The following RFC1 variants were observed in gnomAD, a reference collection of about 807,000 sequenced individuals.
RFC1 encodes A1 140 kDa subunit.
In RFC1, 37 loss-of-function variants were observed where a neutral mutation model predicts 137.4. The ratio of observed to expected loss-of-function variants is 0.27; its 90% CI spans 0.21 to 0.35. The LOEUF (loss-of-function observed/expected upper bound fraction) is 0.35, where lower values mean the gene tolerates loss of function less well. Ranked by LOEUF, RFC1 falls within the 10% of genes least tolerant of loss-of-function variation. The probability of loss-of-function intolerance (pLI) is 1.00; values close to 1 mark genes in which losing one functional copy is unlikely to be tolerated. For missense variants in RFC1, 1,205 were observed against 1,358.5 expected (o/e 0.89, Z 1.78); for synonymous variants, 429 against 455.7 (o/e 0.94, Z 0.75).
intron 10 of RFC1, among the ~76,000 whole-genome samples, chr4:39,314,229 T>C (rs1013300541): frequency 1.3e-5 from 2 of 152,168 alleles, no homozygotes; most frequent in African/African-American, 2.4e-5. Flanking sequence ...CAGGGTCCCT[T>C]GAAGCCTTTA....
chr4:39,300,397 G>A lies in RFC1; in HGVS notation c.2553C>T (p.Ala851=), dbSNP rs1404851536. ...KDIKMGPFDV[A]RKVFAAGEET... ...CCTCTCCAGCTGCAAACACTTTCCG[G>A]GCAACATCAAATGGGCCCTGAAAAA... The change falls in exon 20 of 25, where the codon GCC becomes GCT. Residue 851 remains alanine (A), a synonymous_variant. Coordinates refer to ENST00000349703, the MANE Select transcript of RFC1 (RefSeq NM_002913.5). 1 of 1,613,964 alleles carries A rather than the reference G, an allele frequency of 6.2e-7. No individual in the cohort carries two copies.
chr4:39,329,127 C>CAAAAAAAAAAAA (rs71594924), intron 4 of RFC1, among the ~76,000 whole-genome samples: 379 of 31,654 alleles, frequency 0.012, 73 homozygotes, highest in East Asian at 0.049. Context: ...CAGTGACTCA[C>CAAAAAAAAAAAA]AAAAAAAAAA....
intron 1 of RFC1, among the ~76,000 whole-genome samples, chr4:39,356,204 G>T (rs1172952271): frequency 6.6e-6 from 1 of 151,792 alleles, no homozygotes; most frequent in Admixed American, 6.6e-5. Context: ...TTCCAGACTG[G>T]CCTGGCCAAC....
At chr4:39,335,708 G>A (rs946623245) in intron 4 of RFC1, among the ~76,000 whole-genome samples, 6 of 152,040 alleles carry the variant, frequency 3.9e-5, no homozygotes, top group Non-Finnish European at 5.9e-5. Flanking sequence ...GGCATAAAAC[G>A]GGCAATATAA....
At chr4:39,333,221 ATTTT>A (rs1740190627) in intron 4 of RFC1, among the ~76,000 whole-genome samples, 1 of 152,150 alleles carries the variant, frequency 6.6e-6, no homozygotes, top group Non-Finnish European at 1.5e-5. Context: ...AGCCATATAG[ATTTT>A]TTTAATATTA....
At chr4:39,313,404 A>T (rs1474193085) in intron 10 of RFC1, among the ~76,000 whole-genome samples, 1 of 152,222 alleles carries the variant, frequency 6.6e-6, no homozygotes, top group Non-Finnish European at 1.5e-5. Flanking sequence ...GTTTCGAAAC[A>T]ATGTACTTTA....
intron 4 of RFC1, among the ~76,000 whole-genome samples, chr4:39,334,104 G>GC (rs969178993): frequency 1.3e-5 from 2 of 151,738 alleles, no homozygotes; most frequent in Non-Finnish European, 2.9e-5. Context: ...CCTATTTAGT[G>GC]CCCCCTGATT....
At chr4:39,347,820 G>C (rs1435200959) in intron 2 of RFC1, among the ~76,000 whole-genome samples, 1 of 152,150 alleles carries the variant, frequency 6.6e-6, no homozygotes, top group Non-Finnish European at 1.5e-5. Flanking sequence ...AACCTGGTAA[G>C]GTTTTACATG....
At chr4:39,328,633 G>A (rs1052429815) in intron 4 of RFC1, among the ~76,000 whole-genome samples, 8 of 152,286 alleles carry the variant, frequency 5.3e-5, no homozygotes, top group Admixed American at 1.3e-4. Flanking sequence ...AGCACAATGC[G>A]GAGGCGTGCC....
At chr4:39,323,181 A>G (rs1209489510) in intron 7 of RFC1, 159 bp downstream of exon 7, 3 of 450,316 alleles carry the variant, frequency 6.7e-6, no homozygotes, top group South Asian at 6.6e-5. Flanking sequence ...TTTAAGAAGA[A>G]TAAGTTTCTC....
chr4:39,352,025 TCAGGCCAAAAA>T (rs1741233619), intron 1 of RFC1, among the ~76,000 whole-genome samples: 1 of 149,014 alleles, frequency 6.7e-6, no homozygotes, highest in Admixed American at 6.6e-5. Flanking sequence ...ATTCTCAGAA[TCAGGCCAAAAA>T]CAGGCCAAAA....
chr4:39,320,391 T>C lies in RFC1; in HGVS notation c.1087A>G (p.Lys363Glu). 2 of 1,545,392 alleles carry C rather than the reference T, an allele frequency of 1.3e-6. No individual in the cohort carries two copies. The highest frequency in any genetic ancestry group is 1.7e-6 in the Non-Finnish European group (2 of 1,152,964). The change falls in exon 9 of 25, where the codon AAA (lysine) becomes GAA (glutamate). Residue 363 changes from lysine (K) to glutamate (E), a missense_variant. Physicochemically the swap from Lys to Glu is moderately conservative, Grantham distance 56. Coordinates refer to ENST00000349703, the MANE Select transcript of RFC1 (RefSeq NM_002913.5). Reference sequence around the variant, plus strand: ...AAAAACAAAGTTCTTACCTCTTTTTTAGCTGGAGAACTTTTGGTTTTCTTA... The same window carrying C: ...AAAAACAAAGTTCTTACCTCTTTTTCAGCTGGAGAACTTTTGGTTTTCTTA... ...TPKKTKSSPA[K>E]KESVSPEDSE...
chr4:39,323,617 G>A (rs778410406), intron 6 of RFC1, among the ~76,000 whole-genome samples, 200 bp from the exon 7 acceptor site: 4 of 152,208 alleles, frequency 2.6e-5, no homozygotes, highest in Non-Finnish European at 4.4e-5. Context: ...GGAACATACA[G>A]TTCTGGTTTT....
chr4:39,351,876 T>C (rs1296234750), intron 1 of RFC1, among the ~76,000 whole-genome samples: 2 of 151,192 alleles, frequency 1.3e-5, no homozygotes, highest in Non-Finnish European at 2.9e-5. Flanking sequence ...GGCAGGAGAA[T>C]TGCTTGAACC....
intron 22 of RFC1, among the ~76,000 whole-genome samples, chr4:39,292,660 AG>A (rs1344447552): frequency 7.2e-6 from 1 of 139,198 alleles, no homozygotes; most frequent in East Asian, 2.0e-4. Context: ...ATTTATTTAA[AG>A]ACGAAGCCTC....
intron 24 of RFC1, 122 bp from the exon 25 acceptor site, chr4:39,288,966 A>G: frequency 1.4e-6 from 1 of 702,482 alleles, no homozygotes; most frequent in South Asian, 1.8e-5. Flanking sequence ...AGAGGCTGCA[A>G]ACATCGAGAT....
At chr4:39,310,706 T>G (rs1424546363) in intron 12 of RFC1, among the ~76,000 whole-genome samples, 1 of 152,210 alleles carries the variant, frequency 6.6e-6, no homozygotes, top group Non-Finnish European at 1.5e-5. Flanking sequence ...CATTTTTCCT[T>G]TTGCAAAAGC....
intron 2 of RFC1, among the ~76,000 whole-genome samples, chr4:39,349,721 T>C (rs1741088561): frequency 6.6e-6 from 1 of 152,182 alleles, no homozygotes; most frequent in African/African-American, 2.4e-5. Context: ...AAGCAGCTAC[T>C]AGGCCGGGCA....
chr4:39,312,976 T>C, intron 10 of RFC1, 45 bp from the exon 11 acceptor site: 1 of 1,471,100 alleles, frequency 6.8e-7, no homozygotes. Context: ...ACATGGTAGC[T>C]TTCCAAAGAA....
Sources: gnomAD v4.1 joint callset for allele counts (sites outside exome capture counted in the v4.1 genomes callset) on GRCh38, gnomAD v4.1.1 for gene constraint, MANE v1.5 for transcripts, NCBI Gene and HGNC (gene_info 2026-07-23, HGNC 2026-07-21) for gene names.